Variants in WWOX observed in about 807,000 individuals in gnomAD.
WWOX encodes the protein WW domain containing oxidoreductase, also known as WW domain-containing oxidoreductase.
WWOX carries 69 observed loss-of-function variants against 46.2 expected under a neutral mutation model. The observed-to-expected ratio is 1.49, with a 90% CI of 1.23 to 1.82. The LOEUF (loss-of-function observed/expected upper bound fraction) is 1.82. WWOX is among the 40% of genes most tolerant of loss of function. The pLI, the probability that WWOX is intolerant of heterozygous loss-of-function variation, is 0.00. For synonymous variants in WWOX, 359 were observed against 202.6 expected, an observed-to-expected ratio of 1.77 and a Z score of -6.56; for missense variants, 919 against 542.6, an observed-to-expected ratio of 1.69 and a Z score of -6.89.
chr16:78,440,447 A>G (rs9940393), intron 8 of WWOX, among the ~76,000 whole-genome samples: 12,530 of 152,104 alleles, frequency 0.082, 929 homozygotes, highest in African/African-American at 0.19. Flanking sequence ...GGTCTCTCAG[A>G]TTATATGAAG....
At chr16:78,405,410 C>T (rs751180293) in intron 6 of WWOX, among the ~76,000 whole-genome samples, 2 of 152,186 alleles carry the variant, frequency 1.3e-5, no homozygotes, top group South Asian at 4.1e-4. Context: ...TGGTGTCTGT[C>T]AAATTGTCGA....
intron 8 of WWOX, among the ~76,000 whole-genome samples, chr16:78,453,954 A>T (rs1410531304): frequency 5.3e-5 from 8 of 152,104 alleles, no homozygotes; most frequent in Admixed American, 5.2e-4. Context: ...CAACTTGTAG[A>T]TTGGGCAGAT....
intron 8 of WWOX, among the ~76,000 whole-genome samples, chr16:78,755,621 A>T (rs1227100142): frequency 1.3e-5 from 2 of 152,136 alleles, no homozygotes; most frequent in Non-Finnish European, 2.9e-5. Context: ...TTCCTGTGTG[A>T]TTTGTCACCT....
At chr16:78,346,233 C>A (rs1787991706) in intron 5 of WWOX, among the ~76,000 whole-genome samples, 1 of 121,776 alleles carries the variant, frequency 8.2e-6, no homozygotes, top group Admixed American at 8.0e-5. Flanking sequence ...GTGAGTAGTA[C>A]TCCATTGTGT....
chr16:78,873,480 T>C (rs961567826), intron 8 of WWOX: 1 of 152,280 alleles, frequency 6.6e-6, no homozygotes, highest in South Asian at 2.1e-4. Context: ...TTGGGAGATA[T>C]CCATTCATTT....
chr16:78,143,465 T>A (rs1409029023), intron 4 of WWOX, among the ~76,000 whole-genome samples: 1 of 152,188 alleles, frequency 6.6e-6, no homozygotes, highest in Non-Finnish European at 1.5e-5. Flanking sequence ...CCCACTTTTG[T>A]AAATCAGGTT....
chr16:78,145,041 A>G (rs1425423401), intron 4 of WWOX, among the ~76,000 whole-genome samples: 1 of 152,154 alleles, frequency 6.6e-6, no homozygotes, highest in East Asian at 1.9e-4. Context: ...GTAACAAAGC[A>G]CCACAAATTG....
chr16:78,153,102 G>C lies in WWOX; in HGVS notation c.410-11081G>C, dbSNP rs556121946. Among the ~76,000 whole-genome samples, 10 of 152,226 alleles carry C rather than the reference G, an allele frequency of 6.6e-5. 1 individual carries two copies. In the East Asian group the frequency reaches 9.7e-4, roughly 15 times the overall value. On this transcript the variant is annotated intron_variant, in intron 4 of 8. Transcript: ENST00000566780. ...GCTGTGGATCGTGTTTAGTAAGCAC[G>C]ATCTCTAACTCTTTGGAACTCAGAA...
At chr16:78,887,283 G>T (rs1241403109) in intron 8 of WWOX, among the ~76,000 whole-genome samples, 1 of 151,144 alleles carries the variant, frequency 6.6e-6, no homozygotes, top group Admixed American at 6.6e-5. Context: ...ATTCCCCTGT[G>T]GATTTCTCCT....
intron 8 of WWOX, among the ~76,000 whole-genome samples, chr16:78,942,782 T>C (rs2151293769): frequency 6.6e-6 from 1 of 152,230 alleles, no homozygotes; most frequent in South Asian, 2.1e-4. Flanking sequence ...GAGCAAGAAA[T>C]TGAGAAATCC....
chr16:78,497,552 C>G (rs1280458064), intron 8 of WWOX, among the ~76,000 whole-genome samples: 1 of 148,862 alleles, frequency 6.7e-6, no homozygotes, highest in Non-Finnish European at 1.5e-5. Flanking sequence ...AGAATATTTG[C>G]AAACCACACA....
chr16:78,652,827 T>C (rs6564572), intron 8 of WWOX, among the ~76,000 whole-genome samples: 37,813 of 152,178 alleles, frequency 0.25, 4,835 homozygotes, highest in African/African-American at 0.3. Context: ...TTATTCATCA[T>C]ATAAGTAAAT....
At chr16:78,733,802 A>T (rs2049021009) in intron 8 of WWOX, among the ~76,000 whole-genome samples, 1 of 152,012 alleles carries the variant, frequency 6.6e-6, no homozygotes, top group Non-Finnish European at 1.5e-5. Flanking sequence ...ACAGTGGGTC[A>T]TGCCTGCCAT....
intron 8 of WWOX, among the ~76,000 whole-genome samples, chr16:79,058,827 G>T (rs1047699783): frequency 4.6e-5 from 7 of 152,172 alleles, no homozygotes; most frequent in Admixed American, 6.5e-5. Flanking sequence ...AAATTTCAAT[G>T]AAGATTGTGT....
At chr16:78,832,729 C>T (rs1285586329) in intron 8 of WWOX, among the ~76,000 whole-genome samples, 1 of 152,124 alleles carries the variant, frequency 6.6e-6, no homozygotes, top group Non-Finnish European at 1.5e-5. Flanking sequence ...CCAAGGGAAT[C>T]ATGTGTCATG....
rs548982059 is a variant in WWOX at position 78,466,311 on chromosome 16, G to A, written c.1056+33559G>A. 6.8e-4 allele frequency among the ~76,000 whole-genome samples: 104 copies of A among 152,264 alleles called. 1 individual carries two copies. Among genetic ancestry groups the A allele is most frequent in the African/African-American group, 2.3e-3 (94 of 41,572 alleles). On this transcript the variant is annotated intron_variant, in intron 8 of 8. Coordinates refer to ENST00000566780, the MANE Select transcript of WWOX (RefSeq NM_016373.4). ...CTCCCAAAGTGCTGGGATTACAGGC[G>A]TGAGCCATTGCACCCGGCTATTGGG...
chr16:79,126,095 C>CTTCTT (rs2049748256), intron 8 of WWOX, among the ~76,000 whole-genome samples: 1 of 152,000 alleles, frequency 6.6e-6, no homozygotes, highest in Non-Finnish European at 1.5e-5. Flanking sequence ...CATAATGTGC[C>CTTCTT]CTGGAGTTTC....
At chr16:78,993,019 T>A (rs372983941) in intron 8 of WWOX, among the ~76,000 whole-genome samples, 2 of 152,324 alleles carry the variant, frequency 1.3e-5, no homozygotes, top group African/African-American at 4.8e-5. Flanking sequence ...CTATTTATGC[T>A]GCATTTTAGG....
chr16:78,811,404 T>C (rs1249400530), intron 8 of WWOX, among the ~76,000 whole-genome samples: 1 of 152,182 alleles, frequency 6.6e-6, no homozygotes, highest in Non-Finnish European at 1.5e-5. Context: ...ATTTACTGTA[T>C]CTATTAACTT....
Sources: gnomAD v4.1 joint callset for allele counts (sites outside exome capture counted in the v4.1 genomes callset) on GRCh38, gnomAD v4.1.1 for gene constraint, MANE v1.5 for transcripts, NCBI Gene and HGNC (gene_info 2026-07-23, HGNC 2026-07-21) for gene names.